The following SLC22A23 variants were observed in gnomAD, a reference collection of about 807,000 sequenced individuals.
The protein encoded by SLC22A23 is solute carrier family 22 member 23.
SLC22A23 carries 26 observed loss-of-function variants against 61.0 expected under a neutral mutation model. The ratio of observed to expected loss-of-function variants is 0.43; its 90% confidence interval spans 0.31 to 0.59. The LOEUF is 0.59. SLC22A23 is among the 20% of genes least tolerant of loss of function. The probability of loss-of-function intolerance (pLI) is 0.11; values close to 1 mark genes in which losing one functional copy is unlikely to be tolerated. For missense variants in SLC22A23, 796 were observed against 934.7 expected, an observed-to-expected ratio of 0.85 and a Z score of 1.94; for synonymous variants, 430 against 413.9, an observed-to-expected ratio of 1.04 and a Z score of -0.47.
chr6:3,395,328 G>A (rs1241281685), intron 3 of SLC22A23, among the ~76,000 whole-genome samples: 1 of 152,160 alleles, frequency 6.6e-6, no homozygotes, highest in East Asian at 1.9e-4. Flanking sequence ...GAATAAAGTA[G>A]TAGGAGAATC....
chr6:3,446,952 C>T (rs969567638), intron 1 of SLC22A23, among the ~76,000 whole-genome samples: 1 of 152,156 alleles, frequency 6.6e-6, no homozygotes, highest in Non-Finnish European at 1.5e-5. Flanking sequence ...GCATCTTCTA[C>T]AGGCCTCGCT....
rs1767419383 is a variant in SLC22A23 at position 3,387,993 on chromosome 6, T to C, written c.913+22195A>G. On this transcript the variant is annotated intron_variant, in intron 3 of 9. Coordinates refer to ENST00000406686, the MANE Select transcript of SLC22A23 (RefSeq NM_015482.2). This position sits in a 1 kb window ranked among gnomAD's most constrained non-coding sequence, Gnocchi z 5.0. ...AACAAGTCCCCTCTGGCAAGTGCAA[T>C]TTTTCCCACCAGTTATCCTAAAATC... Among the ~76,000 whole-genome samples the C allele has an allele frequency of 6.6e-6, 1 of 152,118 alleles. No individual in the cohort carries two copies. The highest frequency in any genetic ancestry group is 2.4e-5 in the African/African-American group (1 of 41,412).
At chr6:3,389,425 A>G (rs1767526004) in intron 3 of SLC22A23, among the ~76,000 whole-genome samples, 2 of 152,218 alleles carry the variant, frequency 1.3e-5, no homozygotes, top group Non-Finnish European at 2.9e-5. Flanking sequence ...TTCTATCACA[A>G]TTGAAATTGA....
rs1770600603 is a variant in SLC22A23 at position 3,427,833 on chromosome 6, C to A, written c.655-11978G>T. Among the ~76,000 whole-genome samples, 2 of 151,766 alleles carry A rather than the reference C, an allele frequency of 1.3e-5. No homozygotes were observed. On this transcript the variant is annotated intron_variant, in intron 1 of 9. Coordinates refer to ENST00000406686, the MANE Select transcript of SLC22A23 (RefSeq NM_015482.2). The surrounding 1 kb of genome is among the most constrained non-coding windows in gnomAD (Gnocchi z 4.3). ...GAACTAACTATTAATCTTCTAAAAA[C>A]ACCGTGCCAAACTGGCAGCATGACA...
intron 4 of SLC22A23, among the ~76,000 whole-genome samples, chr6:3,319,326 G>T (rs1762815201): frequency 6.6e-6 from 1 of 152,168 alleles, no homozygotes; most frequent in Non-Finnish European, 1.5e-5. Context: ...CCTTTGTCTA[G>T]AACACTTTTC....
chr6:3,356,511 C>T (rs903376546), intron 3 of SLC22A23, among the ~76,000 whole-genome samples: 3 of 152,268 alleles, frequency 2.0e-5, no homozygotes, highest in African/African-American at 7.2e-5. Context: ...AACTTACCGG[C>T]TCTGCACTAC....
chr6:3,408,703 A>C (rs1218592283), intron 3 of SLC22A23, among the ~76,000 whole-genome samples: 1 of 152,074 alleles, frequency 6.6e-6, no homozygotes, highest in Non-Finnish European at 1.5e-5. Context: ...TTCCATGAAC[A>C]CTCTCTTGCC....
At chr6:3,351,772 G>A (rs1280620179) in intron 3 of SLC22A23, among the ~76,000 whole-genome samples, 5 of 152,172 alleles carry the variant, frequency 3.3e-5, no homozygotes, top group East Asian at 1.9e-4. Flanking sequence ...AACTGTCCCC[G>A]AGGAGACTTG....
chr6:3,331,210 T>C (rs1763562893), intron 3 of SLC22A23, among the ~76,000 whole-genome samples: 1 of 152,226 alleles, frequency 6.6e-6, no homozygotes, highest in Non-Finnish European at 1.5e-5. Flanking sequence ...TATTACCCCA[T>C]ATCTCTGCTG....
At chr6:3,283,047 C>T (rs1759619715) in intron 9 of SLC22A23, among the ~76,000 whole-genome samples, 2 of 152,170 alleles carry the variant, frequency 1.3e-5, no homozygotes, top group Non-Finnish European at 1.5e-5. Context: ...GCGCAGTGGG[C>T]TCTCCATCCA....
intron 1 of SLC22A23, among the ~76,000 whole-genome samples, chr6:3,437,045 C>T (rs766326991): frequency 2.0e-5 from 3 of 152,150 alleles, no homozygotes; most frequent in South Asian, 2.1e-4. Flanking sequence ...ATTTCAGCTT[C>T]GCAAAAACTG....
chr6:3,410,453 G>A lies in SLC22A23; in HGVS notation c.759-111C>T. 2 of 1,191,234 alleles carry A rather than the reference G, an allele frequency of 1.7e-6. No homozygotes were observed. The highest frequency in any genetic ancestry group is 2.3e-6 in the Non-Finnish European group (2 of 869,430). 73.8% of individuals were successfully genotyped at this position (1,191,234 alleles called of 1,614,324 possible). On this transcript the variant is annotated intron_variant, in intron 2 of 9. Transcript: ENST00000406686. This position sits in a 1 kb window ranked among gnomAD's most constrained non-coding sequence, Gnocchi z 5.0. ...TCAATATATGTTGAATGAGTACTGG[G>A]TAAAAAGTCCTGTGCCATCTATACC...
intron 3 of SLC22A23, among the ~76,000 whole-genome samples, chr6:3,400,010 C>G (rs556013515): frequency 6.6e-6 from 1 of 152,268 alleles, no homozygotes; most frequent in African/African-American, 2.4e-5. Context: ...TTCCAAGTAG[C>G]TGGGATTACA....
rs148490236 is a variant in SLC22A23, at chr6:3,456,100, T to C, written c.460A>G (p.Ser154Gly). Residue 154 changes from serine (S) to glycine (G), a missense_variant, in exon 1 of 10, where the codon AGC becomes GGC. Coordinates refer to ENST00000406686, the MANE Select transcript of SLC22A23 (RefSeq NM_015482.2). The surrounding 1 kb of genome is among the most constrained non-coding windows in gnomAD (Gnocchi z 7.1). The stretch of plus-strand genomic sequence containing the variant: ...GTGGCGAAGGGGGTGGTGGGGAGGC[T>C]GGTCCAGTTGCCCATGTCCCCGCCC... ...GRGGDMGNWT[S>G]LPTTPFATAP... 1,537 of 1,550,544 alleles carry C rather than the reference T, an allele frequency of 9.9e-4. 20 individuals are homozygous for C. In the African/African-American group the frequency reaches 0.018, roughly 19 times the overall value.
intron 3 of SLC22A23, among the ~76,000 whole-genome samples, chr6:3,379,718 C>T (rs1270480890): frequency 6.6e-6 from 1 of 151,980 alleles, no homozygotes. Context: ...AAAACCTAAA[C>T]CTTTGCAGCA....
chr6:3,295,867 ATCC>A (rs1262554641), intron 5 of SLC22A23, among the ~76,000 whole-genome samples: 2 of 152,176 alleles, frequency 1.3e-5, no homozygotes, highest in African/African-American at 4.8e-5. Context: ...TGAAGCCTCT[ATCC>A]TCTTTGTTAA....
At chr6:3,444,792 T>G in intron 1 of SLC22A23, 1 of 985,622 alleles carries the variant, frequency 1.0e-6, no homozygotes, top group Non-Finnish European at 1.2e-6. Context: ...TCACCCTGGA[T>G]GCAGGCTTCC....
chr6:3,334,730 C>G (rs1763758275), intron 3 of SLC22A23, among the ~76,000 whole-genome samples: 1 of 152,216 alleles, frequency 6.6e-6, no homozygotes, highest in African/African-American at 2.4e-5. Context: ...TCGCCCGGTG[C>G]TTGCCCAGTT....
At chr6:3,359,785 G>T (rs556508810) in intron 3 of SLC22A23, among the ~76,000 whole-genome samples, 3 of 152,288 alleles carry the variant, frequency 2.0e-5, no homozygotes, top group African/African-American at 7.2e-5. Flanking sequence ...CAGCCAAAAG[G>T]TGGGAGCAAC....
Sources: gnomAD v4.1 joint callset for allele counts (sites outside exome capture counted in the v4.1 genomes callset) on GRCh38, gnomAD v4.1.1 for gene constraint, Gnocchi (gnomAD v3.1) non-coding constraint, MANE v1.5 for transcripts, NCBI Gene and HGNC (gene_info 2026-07-23, HGNC 2026-07-21) for gene names.